ZNF438: variants seen among roughly 807,000 people sequenced by gnomAD.
ZNF438 encodes zinc finger protein 438.
ZNF438 carries 25 observed loss-of-function variants against 38.0 expected under a neutral mutation model. That is an observed-to-expected ratio of 0.66 (90% CI 0.48 to 0.92). ZNF438 has a LOEUF of 0.92. Ranked by LOEUF, ZNF438 falls within the 40% of genes least tolerant of loss-of-function variation. ZNF438 has a pLI of 0.00. For synonymous variants in ZNF438, 372 were observed against 364.1 expected (o/e 1.02, Z -0.25); for missense variants, 1,007 against 999.6 (o/e 1.01, Z -0.10).
At chr10:30,855,126 A>G (rs1421969268) in intron 4 of ZNF438, among the ~76,000 whole-genome samples, 2 of 152,208 alleles carry the variant, frequency 1.3e-5, no homozygotes, top group East Asian at 1.9e-4. Context: ...ATGTCTCCAC[A>G]TTATAGTGGA....
rs529613047 is a variant in ZNF438 at position 30,872,015 on chromosome 10, A to G, written c.37+4983T>C. Among the ~76,000 whole-genome samples the G allele has an allele frequency of 1.5e-4, 23 of 152,336 alleles. No individual in the cohort carries two copies. In the South Asian group the frequency reaches 4.8e-3, roughly 32 times the overall value. ...ATGACAGAGTTGAGAAAAGTGGTAGAAGAACTGTATAAGAAAACTTTTCTA... is the reference window on the plus strand; with the variant it reads ...ATGACAGAGTTGAGAAAAGTGGTAGGAGAACTGTATAAGAAAACTTTTCTA... On this transcript the variant is annotated intron_variant, in intron 4 of 5. Transcript: ENST00000413025.
chr10:31,009,345 C>T (rs2055441222), intron 1 of ZNF438, among the ~76,000 whole-genome samples: 1 of 152,148 alleles, frequency 6.6e-6, no homozygotes, highest in Non-Finnish European at 1.5e-5. Context: ...TGTGCCTCTG[C>T]TTCCATTAAT....
rs1285117062 is a variant in ZNF438 at position 30,960,384 on chromosome 10, TAGA to T, written c.-191-18736_-191-18734del. Among the ~76,000 whole-genome samples the T allele has an allele frequency of 6.1e-5, 9 of 147,442 alleles. 2 individuals are homozygous for T. Among genetic ancestry groups the T allele is most frequent in the Non-Finnish European group, 1.1e-4 (7 of 65,018 alleles). ...ATAAAGTTTCTTCTATGCTTTCTTTTAGAAGTTTTATAATTTTAGCTCTTACAT... is the reference window on the plus strand; with the variant it reads ...ATAAAGTTTCTTCTATGCTTTCTTTTAGTTTTATAATTTTAGCTCTTACAT... On this transcript the variant is annotated intron_variant, in intron 1 of 5. Transcript: ENST00000413025.
chr10:30,995,590 T>C (rs2053964381), intron 1 of ZNF438, among the ~76,000 whole-genome samples: 1 of 152,216 alleles, frequency 6.6e-6, no homozygotes, highest in Non-Finnish European at 1.5e-5. Flanking sequence ...GGAAATTACG[T>C]ACATTATTGC....
intron 3 of ZNF438, among the ~76,000 whole-genome samples, chr10:30,901,812 CGGTGTGTCT>C (rs2042025748): frequency 6.6e-6 from 1 of 152,098 alleles, no homozygotes; most frequent in Non-Finnish European, 1.5e-5. Flanking sequence ...TTCTTAAAGG[CGGTGTGTCT>C]GGAGTTTGTT....
intron 1 of ZNF438, among the ~76,000 whole-genome samples, chr10:30,949,395 TA>T (rs1335134729): frequency 6.6e-6 from 1 of 152,164 alleles, no homozygotes; most frequent in Non-Finnish European, 1.5e-5. Flanking sequence ...AATTCACATG[TA>T]ACAATATTAA....
At chr10:30,953,383 C>A (rs1312787632) in intron 1 of ZNF438, among the ~76,000 whole-genome samples, 9 of 150,974 alleles carry the variant, frequency 6.0e-5, no homozygotes, top group African/African-American at 2.0e-4. Context: ...GCACATGTAC[C>A]CTAAAACTTA....
chr10:30,883,675 G>T (rs1439342639), intron 3 of ZNF438, among the ~76,000 whole-genome samples: 5 of 152,090 alleles, frequency 3.3e-5, no homozygotes, highest in Non-Finnish European at 7.4e-5. Flanking sequence ...TTTGAGACCA[G>T]CCTGAGCAAC....
At chr10:30,955,931 T>C (rs1283369094) in intron 1 of ZNF438, among the ~76,000 whole-genome samples, 1 of 152,192 alleles carries the variant, frequency 6.6e-6, no homozygotes, top group Non-Finnish European at 1.5e-5. Context: ...ATTTGCAAAG[T>C]TCATTATAAG....
chr10:30,869,034 CA>C (rs2036940545), intron 4 of ZNF438, among the ~76,000 whole-genome samples: 1 of 152,184 alleles, frequency 6.6e-6, no homozygotes, highest in Non-Finnish European at 1.5e-5. Flanking sequence ...GATACATACC[CA>C]AGTAAATTAT....
chr10:31,022,136 C>T (rs543056279), intron 1 of ZNF438, among the ~76,000 whole-genome samples: 7 of 152,210 alleles, frequency 4.6e-5, no homozygotes, highest in South Asian at 4.1e-4. Flanking sequence ...CAACTGGCAA[C>T]GACCAGCTCA....
chr10:30,849,636 C>T (rs2033144571), exon 5 of ZNF438: 9 of 1,614,170 alleles, frequency 5.6e-6, no homozygotes, highest in Non-Finnish European at 6.8e-6. Flanking sequence ...TTAAATTTTT[C>T]ACTGGCAACA....
At chr10:30,947,123 T>G (rs1206512070) in intron 1 of ZNF438, among the ~76,000 whole-genome samples, 4 of 152,222 alleles carry the variant, frequency 2.6e-5, no homozygotes, top group Non-Finnish European at 5.9e-5. Context: ...AAACTAGGTT[T>G]TGGGTTATCT....
intron 4 of ZNF438, among the ~76,000 whole-genome samples, chr10:30,851,854 C>CA (rs1438898124): frequency 2.0e-5 from 3 of 152,062 alleles, no homozygotes; most frequent in Non-Finnish European, 4.4e-5. Context: ...TCTAGTGAAA[C>CA]AGACAATTGA....
chr10:30,940,941 C>T (rs1376101118), intron 2 of ZNF438, among the ~76,000 whole-genome samples: 3 of 151,536 alleles, frequency 2.0e-5, no homozygotes, highest in East Asian at 1.9e-4. Flanking sequence ...ATATTAGCTA[C>T]AACGCAAAAG....
At chr10:30,953,337 GCA>G (rs2048449530) in intron 1 of ZNF438, among the ~76,000 whole-genome samples, 1 of 151,940 alleles carries the variant, frequency 6.6e-6, no homozygotes, top group African/African-American at 2.4e-5. Context: ...CACCAGCGTG[GCA>G]CATGTATACA....
At chr10:30,957,137 T>C (rs1294312971) in intron 1 of ZNF438, among the ~76,000 whole-genome samples, 1 of 152,220 alleles carries the variant, frequency 6.6e-6, no homozygotes, top group African/African-American at 2.4e-5. Context: ...GTTTCCCTGA[T>C]GTAGTGATGT....
intron 4 of ZNF438, among the ~76,000 whole-genome samples, chr10:30,858,286 C>A (rs1437423754): frequency 6.6e-6 from 1 of 152,208 alleles, no homozygotes; most frequent in African/African-American, 2.4e-5. Context: ...GTTTTCCCTG[C>A]CACTTGGCTT....
At chr10:30,902,319 G>A (rs368066948) in intron 3 of ZNF438, among the ~76,000 whole-genome samples, 1 of 152,066 alleles carries the variant, frequency 6.6e-6, no homozygotes, top group Non-Finnish European at 1.5e-5. Context: ...AATTCTCCAC[G>A]TCCCCACTAG....
Sources: allele counts gnomAD v4.1 joint callset (sites outside exome capture counted in the v4.1 genomes callset), GRCh38; gene constraint gnomAD v4.1.1; transcripts MANE v1.5; gene names NCBI Gene and HGNC (gene_info 2026-07-23, HGNC 2026-07-21).